Variants in PDE3A observed in about 807,000 individuals in gnomAD.
The protein encoded by PDE3A is cGMP-inhibited 3',5'-cyclic phosphodiesterase 3A.
A neutral mutation model predicts 98.3 loss-of-function variants in PDE3A; 43 were observed. The observed-to-expected ratio is 0.44, with a 90% confidence interval of 0.34 to 0.56. The LOEUF is 0.56. PDE3A is among the 20% of genes least tolerant of loss of function. The pLI, the probability that PDE3A is intolerant of heterozygous loss-of-function variation, is 0.01. For missense variants in PDE3A, 1,427 were observed against 1,440.7 expected (o/e 0.99, Z 0.15); for synonymous variants, 663 against 567.9 (o/e 1.17, Z -2.38).
chr12:20,491,627 G>A (rs1945827624), intron 1 of PDE3A, among the ~76,000 whole-genome samples: 1 of 152,132 alleles, frequency 6.6e-6, no homozygotes, highest in South Asian at 2.1e-4. Flanking sequence ...AGTTAAGGAA[G>A]GATAGAAATT....
chr12:20,406,001 G>A (rs893381395), intron 1 of PDE3A, among the ~76,000 whole-genome samples: 3 of 152,126 alleles, frequency 2.0e-5, no homozygotes, highest in African/African-American at 7.2e-5. Context: ...ATTTCACTTA[G>A]CATGATATCC....
At chr12:20,605,463 G>T (rs1943688164) in intron 2 of PDE3A, among the ~76,000 whole-genome samples, 1 of 152,098 alleles carries the variant, frequency 6.6e-6, no homozygotes, top group Non-Finnish European at 1.5e-5. Flanking sequence ...AATGCTTAAA[G>T]ATGCCAAGAT....
At chr12:20,541,836 G>A (rs935734091) in intron 1 of PDE3A, among the ~76,000 whole-genome samples, 1 of 152,050 alleles carries the variant, frequency 6.6e-6, no homozygotes, top group African/African-American at 2.4e-5. Context: ...TCAAATTTAG[G>A]GGCAGAGATG....
At chr12:20,567,285 A>G (rs1197845569) in intron 2 of PDE3A, among the ~76,000 whole-genome samples, 4 of 152,050 alleles carry the variant, frequency 2.6e-5, no homozygotes, top group Non-Finnish European at 4.4e-5. Context: ...CTGTTAATCC[A>G]TAATAAAATA....
chr12:20,390,767 C>T (rs1048464850), intron 1 of PDE3A, among the ~76,000 whole-genome samples: 11 of 151,894 alleles, frequency 7.2e-5, no homozygotes, highest in African/African-American at 1.2e-4. Context: ...ACCACAACCA[C>T]GTTAGTTCAC....
intron 1 of PDE3A, among the ~76,000 whole-genome samples, chr12:20,388,779 T>C (rs1943859956): frequency 6.6e-6 from 1 of 152,082 alleles, no homozygotes; most frequent in Non-Finnish European, 1.5e-5. Flanking sequence ...CAGGATTTTG[T>C]TGAGTATTCC....
intron 1 of PDE3A, among the ~76,000 whole-genome samples, chr12:20,505,076 C>G (rs1946091933): frequency 6.6e-6 from 1 of 152,094 alleles, no homozygotes; most frequent in Admixed American, 6.6e-5. Context: ...CCAAACCTGT[C>G]TGAGGTTTTA....
chr12:20,595,919 G>A (rs1943455698), intron 2 of PDE3A, among the ~76,000 whole-genome samples: 1 of 152,022 alleles, frequency 6.6e-6, no homozygotes, highest in Admixed American at 6.6e-5. Context: ...TGAAATGATG[G>A]TTAAAGACAA....
intron 2 of PDE3A, among the ~76,000 whole-genome samples, chr12:20,603,119 A>G (rs1001172674): frequency 5.9e-5 from 9 of 152,176 alleles, no homozygotes; most frequent in Admixed American, 4.6e-4. Context: ...AACTCATCAC[A>G]CATCTTTTCC....
At chr12:20,448,247 C>G (rs1944993651) in intron 1 of PDE3A, among the ~76,000 whole-genome samples, 1 of 152,162 alleles carries the variant, frequency 6.6e-6, no homozygotes, top group South Asian at 2.1e-4. Context: ...CGAGACCAGC[C>G]TGGCCAACTT....
chr12:20,599,840 A>T (rs532820734), intron 2 of PDE3A, among the ~76,000 whole-genome samples: 2 of 151,978 alleles, frequency 1.3e-5, no homozygotes, highest in South Asian at 4.2e-4. Context: ...TCTTCCTTTC[A>T]TTGCTCAATT....
intron 2 of PDE3A, among the ~76,000 whole-genome samples, chr12:20,576,812 T>C (rs1261263616): frequency 1.3e-5 from 2 of 152,140 alleles, no homozygotes; most frequent in Admixed American, 6.6e-5. Context: ...TGGGCTCAGA[T>C]TGGCTTCTCG....
At chr12:20,631,131 T>C (rs1488330073) in intron 6 of PDE3A, among the ~76,000 whole-genome samples, 1 of 152,212 alleles carries the variant, frequency 6.6e-6, no homozygotes, top group African/African-American at 2.4e-5. Context: ...CCGGCATTTT[T>C]ACATGAGAAA....
At chr12:20,406,815 G>T (rs1944241535) in intron 1 of PDE3A, among the ~76,000 whole-genome samples, 1 of 151,930 alleles carries the variant, frequency 6.6e-6, no homozygotes, top group African/African-American at 2.4e-5. Context: ...TTTATTAGAG[G>T]AGTCTTATGG....
intron 2 of PDE3A, among the ~76,000 whole-genome samples, chr12:20,573,709 A>G (rs187614916): frequency 1.3e-3 from 200 of 152,226 alleles, no homozygotes; most frequent in Middle Eastern, 0.01. Flanking sequence ...GTTTTTTTAT[A>G]CTGATGCTAA....
chr12:20,468,785 G>C (rs1945387247), intron 1 of PDE3A, among the ~76,000 whole-genome samples: 1 of 152,142 alleles, frequency 6.6e-6, no homozygotes, highest in East Asian at 1.9e-4. Context: ...CACTGTAATT[G>C]GGTTTTGTAG....
chr12:20,369,510 C>G lies in PDE3A; in HGVS notation c.226C>G (p.Leu76Val). ...GGGCTCCCTGTCCTTTCTGCTGGCG[C>G]TGCTGGTGAGGCTGGTCCGCGGGGA... ...CAGSLSFLLA[L>V]LVRLVRGEVG... The change falls in exon 1 of 16, where the codon CTG becomes GTG. Residue 76 changes from leucine (L) to valine (V), a missense_variant. Leu to Val is a conservative substitution (Grantham distance 32). This residue lies in a region of PDE3A where 1,012 missense variants were observed against 886.5 expected (regional missense o/e 1.14). Coordinates refer to ENST00000359062, the MANE Select transcript of PDE3A (RefSeq NM_000921.5). 1 of 1,561,504 alleles carries G rather than the reference C, an allele frequency of 6.4e-7. No homozygotes were observed. Among genetic ancestry groups the G allele is most frequent in the Non-Finnish European group, 8.7e-7 (1 of 1,152,756 alleles).
chr12:20,460,751 A>G (rs6487091), intron 1 of PDE3A, among the ~76,000 whole-genome samples: 98,019 of 152,066 alleles, frequency 0.64, 32,685 homozygotes, highest in East Asian at 0.96. Flanking sequence ...AAGCCTGTGT[A>G]GTTCATCAGT....
At position 20,454,570 on chromosome 12, in the gene PDE3A, C is replaced by G. The variant is rs546577696; in HGVS notation, c.960+84326C>G. On this transcript the variant is annotated intron_variant, in intron 1 of 15. Coordinates refer to ENST00000359062, the MANE Select transcript of PDE3A (RefSeq NM_000921.5). The stretch of plus-strand genomic sequence containing the variant: ...GTTTGTTGTACAGATTATTTAGGCA[C>G]TCAGGTATTGAGCCTGGTACCCATT... Among the ~76,000 whole-genome samples the G allele has an allele frequency of 2.0e-5, 3 of 152,244 alleles. No homozygotes were observed. The South Asian group carries it at 6.2e-4, about 32-fold the overall frequency.
Sources: gnomAD v4.1 joint callset for allele counts (sites outside exome capture counted in the v4.1 genomes callset) on GRCh38, gnomAD v4.1.1 for gene constraint, gnomAD v4.1.1 regional missense constraint, MANE v1.5 for transcripts, NCBI Gene and HGNC (gene_info 2026-07-23, HGNC 2026-07-21) for gene names.